HOOK3: variants seen among roughly 807,000 people sequenced by gnomAD.
HOOK3 encodes the protein protein Hook homolog 3.
HOOK3 carries 24 observed loss-of-function variants against 116.3 expected under a neutral mutation model. The ratio of observed to expected loss-of-function variants is 0.21; its 90% confidence interval spans 0.15 to 0.29. HOOK3 has a LOEUF of 0.29. Among genes scored for constraint, HOOK3 ranks in the 10% least tolerant of loss-of-function variants. HOOK3 has a pLI of 1.00. For missense variants in HOOK3, 632 were observed against 830.2 expected (o/e 0.76, Z 2.93); for synonymous variants, 275 against 283.0 (o/e 0.97, Z 0.28).
intron 2 of HOOK3, among the ~76,000 whole-genome samples, chr8:42,916,111 C>T (rs970602734): frequency 6.6e-6 from 1 of 152,196 alleles, no homozygotes. Context: ...GTTCCCTTCC[C>T]ACTCTCCTCA....
chr8:42,939,517 G>A (rs867965289), intron 4 of HOOK3, among the ~76,000 whole-genome samples: 16 of 147,820 alleles, frequency 1.1e-4, no homozygotes, highest in Admixed American at 2.0e-4. Flanking sequence ...CTGGCCGGGC[G>A]GGGGGCTGAT....
chr8:42,904,902 T>C (rs1011233318), intron 1 of HOOK3, among the ~76,000 whole-genome samples: 1 of 152,198 alleles, frequency 6.6e-6, no homozygotes, highest in African/African-American at 2.4e-5. Context: ...TGTTTCATTT[T>C]TCCTAGTTGT....
rs373212244 is a variant in HOOK3 at position 42,957,152 on chromosome 8, G to A, written c.527G>A (p.Arg176His). 24 of 1,569,934 alleles carry A rather than the reference G, an allele frequency of 1.5e-5. No homozygotes were observed. Among genetic ancestry groups the A allele is most frequent in the Admixed American group, 5.1e-5 (3 of 58,554 alleles). The change falls in exon 7 of 22, where the codon CGT (arginine) becomes CAT (histidine). Residue 176 changes from arginine (R) to histidine (H), a missense_variant. By Grantham distance (29) the Arg-to-His change is conservative. Transcript: ENST00000307602. Reference sequence around the variant, plus strand: ...AATGATGCCTATGTTGACCTTGATCGTCAGGTATATAATTTTACATTGTTT... The same window carrying A: ...AATGATGCCTATGTTGACCTTGATCATCAGGTATATAATTTTACATTGTTT... The part of the protein sequence containing the change: ...AGNDAYVDLD[R>H]QLKKTTEELN...
chr8:42,931,643 A>G (rs191884362), intron 4 of HOOK3, among the ~76,000 whole-genome samples: 2,444 of 151,712 alleles, frequency 0.016, 61 homozygotes, highest in African/African-American at 0.054. Flanking sequence ...TGTGTTAGCC[A>G]GGATGGTCTC....
Position 43,027,580 on chromosome 8 carries a change from T to C in HOOK3, c.*9082T>C. 4.4e-6 allele frequency: 1 copy of C among 224,884 alleles called. No homozygotes were observed. Among genetic ancestry groups the C allele is most frequent in the East Asian group, 7.3e-5 (1 of 13,734 alleles). 13.9% of individuals were successfully genotyped at this position (224,884 alleles called of 1,614,324 possible). A position where few individuals can be genotyped will look rare whatever the true frequency, so the allele number is the denominator to read the frequency against. On this transcript the variant is annotated 3_prime_UTR_variant, in exon 22 of 22. Coordinates refer to ENST00000307602, the MANE Select transcript of HOOK3 (RefSeq NM_032410.4). The stretch of plus-strand genomic sequence containing the variant: ...GCCTTTGAGGGAAAGGACTGCTTTT[T>C]TTCTCTCCCAAATTAGAAAATTAAA...
chr8:42,947,206 A>G (rs1334327155), intron 5 of HOOK3, among the ~76,000 whole-genome samples: 1 of 152,216 alleles, frequency 6.6e-6, no homozygotes, highest in Non-Finnish European at 1.5e-5. Flanking sequence ...GGAGATTGGT[A>G]TACCTAAGAT....
At chr8:42,926,282 TTA>T (rs1807763863) in intron 3 of HOOK3, among the ~76,000 whole-genome samples, 1 of 152,152 alleles carries the variant, frequency 6.6e-6, no homozygotes, top group South Asian at 2.1e-4. Context: ...TTTTTTAACT[TTA>T]TGTTTTGTTT....
chr8:42,932,888 T>G (rs889946275), intron 4 of HOOK3, among the ~76,000 whole-genome samples: 4 of 152,224 alleles, frequency 2.6e-5, no homozygotes, highest in Non-Finnish European at 5.9e-5. Flanking sequence ...TTTATTCTCA[T>G]AGCCCAAGGT....
At chr8:43,000,853 T>G (rs1195555886) in intron 16 of HOOK3, 1 of 152,244 alleles carries the variant, frequency 6.6e-6, no homozygotes, top group Non-Finnish European at 1.5e-5. Flanking sequence ...TTACTACATA[T>G]CTTCTCAGAG....
At chr8:43,007,428 G>C (rs1167367426) in intron 17 of HOOK3, among the ~76,000 whole-genome samples, 1 of 152,050 alleles carries the variant, frequency 6.6e-6, no homozygotes, top group Non-Finnish European at 1.5e-5. Flanking sequence ...GACTTCCTTT[G>C]TTCGACATTC....
chr8:42,996,515 C>T (rs1809271819), intron 15 of HOOK3, among the ~76,000 whole-genome samples: 2 of 152,158 alleles, frequency 1.3e-5, no homozygotes, highest in Admixed American at 1.3e-4. Flanking sequence ...AGGATAATCC[C>T]AGCAGACACT....
At chr8:42,970,500 C>T (rs1808706565) in intron 11 of HOOK3, among the ~76,000 whole-genome samples, 1 of 152,092 alleles carries the variant, frequency 6.6e-6, no homozygotes, top group Non-Finnish European at 1.5e-5. Context: ...AACATGATAC[C>T]TTTCCGTGGT....
intron 13 of HOOK3, among the ~76,000 whole-genome samples, chr8:42,976,704 T>A (rs1265518302): frequency 6.6e-6 from 1 of 152,088 alleles, no homozygotes; most frequent in East Asian, 1.9e-4. Context: ...GAGACCATCC[T>A]GGCTAACACG....
At chr8:42,974,572 A>G (rs1025065071) in intron 13 of HOOK3, among the ~76,000 whole-genome samples, 4 of 152,176 alleles carry the variant, frequency 2.6e-5, no homozygotes, top group African/African-American at 7.2e-5. Flanking sequence ...AAATAAAACT[A>G]TTTGGTTCAC....
Position 43,022,099 on chromosome 8 carries a change from A to C in HOOK3, c.*3601A>C, listed in dbSNP as rs571130284. On this transcript the variant is annotated 3_prime_UTR_variant, in exon 22 of 22. Transcript: ENST00000307602. ...ACAGGCTGTTGTAAAAAAAAAAAAA[A>C]AAAAAACTTCTGAATATACTTTAGG... 6.0e-3 allele frequency: 1,202 copies of C among 201,256 alleles called. 2 individuals are homozygous for C. Among genetic ancestry groups the C allele is most frequent in the Non-Finnish European group, 8.5e-3 (826 of 97,668 alleles). The allele number at this position is 201,256 out of a possible 1,614,324, so 12.5% of individuals were successfully genotyped here. A position where few individuals can be genotyped will look rare whatever the true frequency, so the allele number is the denominator to read the frequency against.
intron 15 of HOOK3, among the ~76,000 whole-genome samples, chr8:42,994,924 A>G (rs1016297302): frequency 1.3e-5 from 2 of 152,258 alleles, no homozygotes; most frequent in Non-Finnish European, 2.9e-5. Flanking sequence ...AATAATCTCA[A>G]AAATGACTAA....
rs1461315592 is a variant in HOOK3, at chr8:43,022,238, C to G, written c.*3740C>G. 1 of 211,946 alleles carries G rather than the reference C, an allele frequency of 4.7e-6. No homozygotes were observed. Among genetic ancestry groups the G allele is most frequent in the Non-Finnish European group, 9.5e-6 (1 of 104,730 alleles). The allele number at this position is 211,946 out of a possible 1,614,324, so 13.1% of individuals were successfully genotyped here. A position where few individuals can be genotyped will look rare whatever the true frequency, so the allele number is the denominator to read the frequency against. ...TTTCTCTAGTAATGATTAATGATTC[C>G]TCAGGAGATTCGTGATGTTGTCTGG... On this transcript the variant is annotated 3_prime_UTR_variant, in exon 22 of 22. Coordinates refer to ENST00000307602, the MANE Select transcript of HOOK3 (RefSeq NM_032410.4).
chr8:42,899,000 A>G (rs1807125325), intron 1 of HOOK3, among the ~76,000 whole-genome samples: 1 of 152,228 alleles, frequency 6.6e-6, no homozygotes, highest in Non-Finnish European at 1.5e-5. Context: ...TAATGGTTGT[A>G]TGGGCACTCA....
chr8:42,986,772 G>T lies in HOOK3; in HGVS notation c.1509G>T (p.Lys503Asn). The stretch of plus-strand genomic sequence containing the variant: ...TTCTAGATGATGCAAATCTACGCAA[G>T]AATGAACTGGAGACAGAGAATAGGT... ...QSLLDDANLR[K>N]NELETENRLV... Residue 503 changes from lysine to asparagine, a missense_variant, in exon 15 of 22, where the codon AAG (lysine) becomes AAT (asparagine). Around this residue, in one of 3 missense-constraint regions of HOOK3, gnomAD observed 483 missense variants for 648.1 expected, o/e 0.75. Transcript: ENST00000307602. The T allele has an allele frequency of 6.2e-7, 1 of 1,613,692 alleles. No individual in the cohort carries two copies. The highest frequency in any genetic ancestry group is 8.5e-7 in the Non-Finnish European group (1 of 1,179,832).
Sources: gnomAD v4.1 joint callset for allele counts (sites outside exome capture counted in the v4.1 genomes callset) on GRCh38, gnomAD v4.1.1 for gene constraint, gnomAD v4.1.1 regional missense constraint, MANE v1.5 for transcripts, NCBI Gene and HGNC (gene_info 2026-07-23, HGNC 2026-07-21) for gene names.